Variants in RTN1 observed in about 807,000 individuals in gnomAD.
RTN1 encodes the protein reticulon-1.
A neutral mutation model predicts 65.5 loss-of-function variants in RTN1; 25 were observed. The ratio of observed to expected loss-of-function variants is 0.38; its 90% CI spans 0.28 to 0.53. The LOEUF (loss-of-function observed/expected upper bound fraction) is 0.53. Among genes scored for constraint, RTN1 ranks in the 20% least tolerant of loss-of-function variants. The probability of loss-of-function intolerance (pLI) is 0.79; values close to 1 mark genes in which losing one functional copy is unlikely to be tolerated. For synonymous variants in RTN1, 471 were observed against 447.6 expected, an observed-to-expected ratio of 1.05 and a Z score of -0.66; for missense variants, 983 against 1,025.4, an observed-to-expected ratio of 0.96 and a Z score of 0.57.
At chr14:59,768,603 A>C (rs1885894174) in intron 1 of RTN1, among the ~76,000 whole-genome samples, 1 of 152,110 alleles carries the variant, frequency 6.6e-6, no homozygotes, top group South Asian at 2.1e-4. Context: ...CTACCCTATC[A>C]ATGACTCAGG....
rs1409805755 is a variant in RTN1 at position 59,803,975 on chromosome 14, C to T, written c.242-57494G>A. 2.6e-5 allele frequency among the ~76,000 whole-genome samples: 4 copies of T among 152,052 alleles called. No homozygotes were observed. The highest frequency in any genetic ancestry group is 9.7e-5 in the African/African-American group (4 of 41,392). ...TTCCCACATGCTGTACGTCAGTTTC[C>T]TCTCTTGTTAACATCTTACATGGTC... On this transcript the variant is annotated intron_variant, in intron 1 of 8. Coordinates refer to ENST00000267484, the MANE Select transcript of RTN1 (RefSeq NM_021136.3). The surrounding 1 kb of genome is among the most constrained non-coding windows in gnomAD (Gnocchi z 5.6).
intron 8 of RTN1, among the ~76,000 whole-genome samples, chr14:59,599,153 C>T (rs980046731): frequency 6.6e-6 from 1 of 152,146 alleles, no homozygotes; most frequent in Non-Finnish European, 1.5e-5. Context: ...CAATTAAAAC[C>T]CCCGAGGTAT....
intron 1 of RTN1, among the ~76,000 whole-genome samples, chr14:59,854,316 T>C (rs994248949): frequency 7.9e-5 from 12 of 152,142 alleles, no homozygotes; most frequent in Non-Finnish European, 1.3e-4. Context: ...TAATTCCTTA[T>C]TTAATGTGCA....
At chr14:59,611,264 T>G (rs1248918037) in intron 3 of RTN1, among the ~76,000 whole-genome samples, 1 of 152,070 alleles carries the variant, frequency 6.6e-6, no homozygotes. Flanking sequence ...ATGGCCCCCC[T>G]CCAGTGATGG....
intron 1 of RTN1, among the ~76,000 whole-genome samples, chr14:59,834,996 C>T (rs1887189798): frequency 6.6e-6 from 1 of 152,088 alleles, no homozygotes; most frequent in African/African-American, 2.4e-5. Context: ...CATTCTACTC[C>T]CAAGTATTAA....
At chr14:59,605,272 T>G in intron 5 of RTN1, 96 bp downstream of exon 5, 5 of 1,341,760 alleles carry the variant, frequency 3.7e-6, no homozygotes, top group Non-Finnish European at 5.1e-6. Flanking sequence ...AATTAGCACT[T>G]GCTTTTTATT....
At chr14:59,691,201 G>T (rs1366170748) in intron 3 of RTN1, among the ~76,000 whole-genome samples, 1 of 151,996 alleles carries the variant, frequency 6.6e-6, no homozygotes, top group African/African-American at 2.4e-5. Flanking sequence ...GATTACCACA[G>T]AAAAAGAGAG....
intron 1 of RTN1, among the ~76,000 whole-genome samples, chr14:59,749,280 ATATATATC>A (rs1386332311): frequency 2.5e-4 from 12 of 47,636 alleles, no homozygotes; most frequent in Admixed American, 3.2e-4. Context: ...ATATATATCT[ATATATATC>A]TATATATATC....
At chr14:59,826,539 C>T (rs1007007951) in intron 1 of RTN1, among the ~76,000 whole-genome samples, 7 of 152,314 alleles carry the variant, frequency 4.6e-5, no homozygotes, top group African/African-American at 1.7e-4. Context: ...CAGAATTCCT[C>T]CCCCTGACTT....
intron 3 of RTN1, among the ~76,000 whole-genome samples, chr14:59,692,111 A>G (rs1883974417): frequency 6.6e-6 from 1 of 152,112 alleles, no homozygotes; most frequent in South Asian, 2.1e-4. Context: ...GAAATAAAAG[A>G]CATTCAAACA....
chr14:59,855,143 T>A (rs1030938382), intron 1 of RTN1, among the ~76,000 whole-genome samples: 4 of 152,214 alleles, frequency 2.6e-5, no homozygotes, highest in African/African-American at 9.6e-5. Context: ...CCTATTAATA[T>A]GAATACTCAA....
chr14:59,599,454 G>A (rs1164207509), intron 8 of RTN1, among the ~76,000 whole-genome samples: 1 of 152,324 alleles, frequency 6.6e-6, no homozygotes, highest in East Asian at 1.9e-4. Flanking sequence ...GGGGTTGAAA[G>A]TAATGGGATC....
intron 1 of RTN1, among the ~76,000 whole-genome samples, chr14:59,795,792 C>A (rs1357664803): frequency 6.6e-6 from 1 of 152,050 alleles, no homozygotes; most frequent in Non-Finnish European, 1.5e-5. Flanking sequence ...GTAATTGTTG[C>A]TGATTAATGT....
chr14:59,689,332 G>C (rs956796638), intron 3 of RTN1, among the ~76,000 whole-genome samples: 2 of 152,184 alleles, frequency 1.3e-5, no homozygotes, highest in Non-Finnish European at 2.9e-5. Flanking sequence ...CTAAACCTAT[G>C]AATTAGTGGC....
chr14:59,690,832 G>A (rs981378083), intron 3 of RTN1, among the ~76,000 whole-genome samples: 13 of 151,866 alleles, frequency 8.6e-5, no homozygotes, highest in Non-Finnish European at 1.3e-4. Flanking sequence ...AACTTACTCC[G>A]AATGACTTTT....
chr14:59,651,201 G>A (rs537734630), intron 3 of RTN1, among the ~76,000 whole-genome samples: 23 of 152,196 alleles, frequency 1.5e-4, no homozygotes, highest in African/African-American at 5.5e-4. Context: ...TAGAGCCAAT[G>A]GAACAGAACA....
intron 3 of RTN1, among the ~76,000 whole-genome samples, chr14:59,620,457 C>A (rs1229210914): frequency 6.6e-6 from 1 of 152,136 alleles, no homozygotes. Context: ...CAACTACATA[C>A]TGGATCTTAG....
chr14:59,861,385 T>C (rs1247644494), intron 1 of RTN1, among the ~76,000 whole-genome samples: 5 of 152,174 alleles, frequency 3.3e-5, no homozygotes, highest in East Asian at 1.9e-4. Flanking sequence ...TCTCCAACCA[T>C]ATGGAACTGT....
intron 1 of RTN1, among the ~76,000 whole-genome samples, chr14:59,808,962 C>T (rs552328572): frequency 8.5e-5 from 13 of 152,190 alleles, no homozygotes; most frequent in East Asian, 5.8e-4. Context: ...AAACCATTAG[C>T]GAATTAAACC....
Sources: gnomAD v4.1 joint callset for allele counts (sites outside exome capture counted in the v4.1 genomes callset) on GRCh38, gnomAD v4.1.1 for gene constraint, Gnocchi (gnomAD v3.1) non-coding constraint, MANE v1.5 for transcripts, NCBI Gene and HGNC (gene_info 2026-07-23, HGNC 2026-07-21) for gene names.